The following NIPBL variants were observed in gnomAD, a reference collection of about 807,000 sequenced individuals.
NIPBL encodes the protein nipped-B-like protein.
NIPBL carries 19 observed loss-of-function variants against 321.8 expected under a neutral mutation model. The observed-to-expected ratio is 0.06, with a 90% CI of 0.04 to 0.09. The LOEUF (loss-of-function observed/expected upper bound fraction) is 0.09, where lower values mean the gene tolerates loss of function less well. Ranked by LOEUF, NIPBL falls within the 10% of genes least tolerant of loss-of-function variation. The pLI is 1.00. For missense variants in NIPBL, 2,210 were observed against 3,327.0 expected, an observed-to-expected ratio of 0.66 and a Z score of 8.26; for synonymous variants, 1,106 against 1,114.1, an observed-to-expected ratio of 0.99 and a Z score of 0.14.
chr5:36,884,480 T>C (rs190192883), intron 1 of NIPBL, among the ~76,000 whole-genome samples: 70 of 152,324 alleles, frequency 4.6e-4, no homozygotes, highest in African/African-American at 1.6e-3. Context: ...AGAGAAAGCA[T>C]TGCCTTTACA....
intron 30 of NIPBL, among the ~76,000 whole-genome samples, chr5:37,025,968 G>GT (rs1451281271): frequency 6.6e-6 from 1 of 151,954 alleles, no homozygotes; most frequent in Non-Finnish European, 1.5e-5. Context: ...AAACATTTGA[G>GT]TGTATAGTAT....
chr5:36,937,707 G>A (rs1738600871), intron 1 of NIPBL, among the ~76,000 whole-genome samples: 1 of 152,102 alleles, frequency 6.6e-6, no homozygotes, highest in South Asian at 2.1e-4. Flanking sequence ...TGGAAATGCT[G>A]TACTTCTGAA....
At chr5:36,937,781 T>G (rs1184533875) in intron 1 of NIPBL, among the ~76,000 whole-genome samples, 1 of 152,172 alleles carries the variant, frequency 6.6e-6, no homozygotes, top group Admixed American at 6.5e-5. Flanking sequence ...ACAAGGAGAC[T>G]TAAGCCTTAT....
chr5:36,916,530 T>C (rs944484053), intron 1 of NIPBL, among the ~76,000 whole-genome samples: 13 of 152,332 alleles, frequency 8.5e-5, no homozygotes, highest in African/African-American at 3.1e-4. Context: ...CTTTAAGTTC[T>C]AGGGTACATG....
rs772881326 is a variant in NIPBL at position 37,000,577 on chromosome 5, C to A, written c.3502+7C>A. ...CCTCCCAGCCTTAGTGAGGGTAATT[C>A]ATCAGTGTCAACGGATTTCTTACAT... On this transcript the variant is annotated splice_region_variant and intron_variant, in intron 12 of 46. Transcript: ENST00000282516. The A allele has an allele frequency of 1.1e-5, 18 of 1,612,308 alleles. No individual in the cohort carries two copies. The South Asian group carries it at 1.8e-4, about 16-fold the overall frequency.
intron 1 of NIPBL, among the ~76,000 whole-genome samples, chr5:36,924,807 T>C (rs1440328847): frequency 1.3e-5 from 2 of 152,228 alleles, no homozygotes; most frequent in Non-Finnish European, 2.9e-5. Context: ...TTTTAAGATT[T>C]CCTTGTCCTA....
At chr5:36,928,942 C>G (rs1469012463) in intron 1 of NIPBL, among the ~76,000 whole-genome samples, 1 of 152,020 alleles carries the variant, frequency 6.6e-6, no homozygotes, top group Admixed American at 6.6e-5. Context: ...CAGTTTTTTA[C>G]TTTTATGAGT....
intron 10 of NIPBL, among the ~76,000 whole-genome samples, chr5:36,989,755 C>T (rs1745267883): frequency 6.7e-6 from 1 of 148,830 alleles, no homozygotes; most frequent in Admixed American, 6.9e-5. Flanking sequence ...AGGAGAATCG[C>T]TTGAACCCAG....
rs751127087 is a variant in NIPBL at position 36,972,045 on chromosome 5, C to T, written c.868+4C>T. Reference sequence around the variant, plus strand: ...GGAAGTGAAGGAACTCCTAAAGGTACTACTGTAACTAAAATTTCCTTCTGT... The same window carrying T: ...GGAAGTGAAGGAACTCCTAAAGGTATTACTGTAACTAAAATTTCCTTCTGT... On this transcript the variant is annotated splice_donor_region_variant and intron_variant, in intron 8 of 46. Coordinates refer to ENST00000282516, the MANE Select transcript of NIPBL (RefSeq NM_133433.4). 10 of 1,582,342 alleles carry T rather than the reference C, an allele frequency of 6.3e-6. No individual in the cohort carries two copies. The Admixed American group carries it at 8.4e-5, about 13-fold the overall frequency.
intron 16 of NIPBL, among the ~76,000 whole-genome samples, 162 bp downstream of exon 16, chr5:37,003,509 T>A (rs1033893497): frequency 6.6e-6 from 1 of 152,168 alleles, no homozygotes; most frequent in Non-Finnish European, 1.5e-5. Flanking sequence ...ATTGTTCTGT[T>A]TTTTATTGTC....
chr5:36,997,943 C>G (rs1746334947), intron 11 of NIPBL, among the ~76,000 whole-genome samples: 1 of 151,930 alleles, frequency 6.6e-6, no homozygotes, highest in Non-Finnish European at 1.5e-5. Context: ...AATCTAAAAC[C>G]AAGGAAATAG....
chr5:36,978,957 T>G (rs537613877), intron 9 of NIPBL, among the ~76,000 whole-genome samples: 2 of 152,172 alleles, frequency 1.3e-5, no homozygotes, highest in South Asian at 4.1e-4. Context: ...GTGCCTATTT[T>G]TATACCAGTA....
chr5:36,961,367 G>A, intron 4 of NIPBL, 117 bp from the exon 5 acceptor site: 1 of 722,556 alleles, frequency 1.4e-6, no homozygotes, highest in South Asian at 1.6e-5. Flanking sequence ...TCTTTGAAAT[G>A]AAAACATTGA....
intron 1 of NIPBL, among the ~76,000 whole-genome samples, chr5:36,916,049 C>T (rs1013039703): frequency 6.6e-6 from 1 of 152,174 alleles, no homozygotes; most frequent in Non-Finnish European, 1.5e-5. Context: ...TGGAAATGAA[C>T]TGTCTTTGTC....
chr5:37,041,252 G>GTTTGTTTTT (rs1752315497), intron 34 of NIPBL, among the ~76,000 whole-genome samples: 1 of 64,006 alleles, frequency 1.6e-5, no homozygotes, highest in Non-Finnish European at 2.7e-5. Flanking sequence ...TTATGTGGTG[G>GTTTGTTTTT]TTTTTTTTTT....
intron 34 of NIPBL, among the ~76,000 whole-genome samples, chr5:37,042,886 TAC>T (rs778066165): frequency 2.1e-5 from 3 of 143,658 alleles, no homozygotes; most frequent in Non-Finnish European, 4.5e-5. Flanking sequence ...AAAGCCTTAC[TAC>T]ACACACGCGC....
At chr5:37,010,320 T>C in intron 21 of NIPBL, 95 bp downstream of exon 21, 1 of 1,136,040 alleles carries the variant, frequency 8.8e-7, no homozygotes, top group Non-Finnish European at 1.3e-6. Flanking sequence ...TCTTTTTTTT[T>C]CTTTCTTTTT....
At position 36,971,932 on chromosome 5, in the gene NIPBL, A is replaced by G; in HGVS notation, c.772-13A>G. On this transcript the variant is annotated splice_polypyrimidine_tract_variant and intron_variant, in intron 7 of 46. Transcript: ENST00000282516. ...CTGTCATTCAAAAGATAAATTGTAT[A>G]CTCTATTTTTAGGATGGAGATTCTT... The G allele has an allele frequency of 1.2e-6, 2 of 1,604,712 alleles. No homozygotes were observed. Among genetic ancestry groups the G allele is most frequent in the Non-Finnish European group, 1.7e-6 (2 of 1,172,088 alleles).
chr5:37,037,624 G>A (rs1400225054), intron 33 of NIPBL, among the ~76,000 whole-genome samples: 1 of 147,524 alleles, frequency 6.8e-6, no homozygotes, highest in African/African-American at 2.5e-5. Context: ...TATTTTTTAT[G>A]CAGTCTTTTT....
Sources: gnomAD v4.1 joint callset for allele counts (sites outside exome capture counted in the v4.1 genomes callset) on GRCh38, gnomAD v4.1.1 for gene constraint, MANE v1.5 for transcripts, NCBI Gene and HGNC (gene_info 2026-07-23, HGNC 2026-07-21) for gene names.